ANKS1B: variants seen among roughly 807,000 people sequenced by gnomAD.
ANKS1B encodes ankyrin repeat and sterile alpha motif domain-containing protein 1B.
Under a neutral mutation model 148.3 loss-of-function variants are expected in ANKS1B, and 36 were observed. That is an observed-to-expected ratio of 0.24 (90% confidence interval 0.19 to 0.32). ANKS1B has a LOEUF of 0.32. Among genes scored for constraint, ANKS1B ranks in the 10% least tolerant of loss-of-function variants. The pLI is 1.00. For synonymous variants in ANKS1B, 542 were observed against 560.8 expected (o/e 0.97, Z 0.47); for missense variants, 1,157 against 1,542.6 (o/e 0.75, Z 4.19).
At chr12:99,550,192 TCA>T (rs2097205395) in intron 9 of ANKS1B, among the ~76,000 whole-genome samples, 1 of 152,196 alleles carries the variant, frequency 6.6e-6, no homozygotes, top group African/African-American at 2.4e-5. Context: ...AACATTTCTC[TCA>T]GTGTCTTGAT....
At chr12:98,950,960 T>C (rs937301959) in intron 17 of ANKS1B, among the ~76,000 whole-genome samples, 3 of 152,130 alleles carry the variant, frequency 2.0e-5, no homozygotes, top group African/African-American at 4.8e-5. Context: ...ACATCTCTTA[T>C]TTTTTTCTTT....
intron 4 of ANKS1B, among the ~76,000 whole-genome samples, chr12:99,803,210 T>G (rs942028055): frequency 4.0e-5 from 6 of 151,656 alleles, no homozygotes; most frequent in Admixed American, 6.6e-5. Context: ...TATTCAAAAA[T>G]TTTGCACTGA....
intron 20 of ANKS1B, among the ~76,000 whole-genome samples, chr12:98,802,594 CTTTTTTTTTTTTT>C (rs397850118): frequency 9.8e-4 from 34 of 34,782 alleles, no homozygotes; most frequent in African/African-American, 2.5e-3. Context: ...AATGCACAGG[CTTTTTTTTTTTTT>C]TTTTTTTTTT....
rs142643553 is a variant in ANKS1B at position 98,778,358 on chromosome 12, C to A, written c.3441+2759G>T. ...GGGCATGGTGGCACACACCTGTAATCCCAGCTACTCGGGAGGCTGAGGCAT... is the reference window on the plus strand; with the variant it reads ...GGGCATGGTGGCACACACCTGTAATACCAGCTACTCGGGAGGCTGAGGCAT... On this transcript the variant is annotated intron_variant, in intron 24 of 26. Coordinates refer to ENST00000683438, the MANE Select transcript of ANKS1B (RefSeq NM_001352186.2). 3.5e-3 allele frequency among the ~76,000 whole-genome samples: 536 copies of A among 152,272 alleles called. 1 individual carries two copies. Among genetic ancestry groups the A allele is most frequent in the Non-Finnish European group, 5.5e-3 (371 of 68,014 alleles).
intron 14 of ANKS1B, among the ~76,000 whole-genome samples, chr12:99,223,529 A>G (rs1171298054): frequency 6.6e-6 from 1 of 152,130 alleles, no homozygotes; most frequent in East Asian, 1.9e-4. Context: ...AGGAGCACAC[A>G]GTCTATGCAG....
chr12:98,791,665 C>T (rs1243015063), intron 22 of ANKS1B, among the ~76,000 whole-genome samples: 2 of 152,178 alleles, frequency 1.3e-5, no homozygotes, highest in Non-Finnish European at 2.9e-5. Context: ...TGAAGTGATC[C>T]TCCTGACTCA....
intron 12 of ANKS1B, among the ~76,000 whole-genome samples, chr12:99,315,278 C>CA (rs1036420856): frequency 1.2e-4 from 18 of 149,394 alleles, no homozygotes; most frequent in African/African-American, 4.4e-4. Flanking sequence ...AGCAAACAGG[C>CA]AACTTACAAA....
intron 8 of ANKS1B, among the ~76,000 whole-genome samples, chr12:99,656,667 G>C (rs957257689): frequency 6.6e-6 from 1 of 151,074 alleles, no homozygotes; most frequent in South Asian, 2.1e-4. Context: ...GAGATGGGAG[G>C]GTCAAAGAAA....
At chr12:99,204,130 CA>C (rs2082369685) in intron 14 of ANKS1B, among the ~76,000 whole-genome samples, 1 of 152,162 alleles carries the variant, frequency 6.6e-6, no homozygotes, top group Non-Finnish European at 1.5e-5. Context: ...AAATTTTCAG[CA>C]AGCTTCATAA....
chr12:99,834,145 T>C (rs766216137), intron 1 of ANKS1B, among the ~76,000 whole-genome samples: 2 of 152,182 alleles, frequency 1.3e-5, no homozygotes, highest in Non-Finnish European at 2.9e-5. Context: ...ACTTTTTATA[T>C]TGCCTTGCCC....
chr12:99,685,862 T>C (rs1270694948), intron 8 of ANKS1B, among the ~76,000 whole-genome samples: 1 of 152,130 alleles, frequency 6.6e-6, no homozygotes, highest in African/African-American at 2.4e-5. Context: ...ACCATTACCT[T>C]GAGTGAAGTA....
At chr12:99,397,773 G>C (rs1184575044) in intron 12 of ANKS1B, among the ~76,000 whole-genome samples, 1 of 150,502 alleles carries the variant, frequency 6.6e-6, no homozygotes, top group Non-Finnish European at 1.5e-5. Context: ...TGTCATTTAA[G>C]TATTTATTAT....
chr12:99,457,561 C>T lies in ANKS1B; in HGVS notation c.1439-13752G>A, dbSNP rs141744298. Among the ~76,000 whole-genome samples the T allele has an allele frequency of 1.3e-3, 198 of 152,042 alleles. 1 individual carries two copies. The highest frequency in any genetic ancestry group is 7.9e-3 in the South Asian group (38 of 4,818). On this transcript the variant is annotated intron_variant, in intron 10 of 26. Coordinates refer to ENST00000683438, the MANE Select transcript of ANKS1B (RefSeq NM_001352186.2). ...CCCAACACATAAGGACTCACATAAA[C>T]GTAAGGTAAAGGGGTGAAAAAAGAT...
intron 9 of ANKS1B, among the ~76,000 whole-genome samples, chr12:99,584,033 T>G (rs980861043): frequency 3.7e-4 from 57 of 152,302 alleles, no homozygotes; most frequent in Non-Finnish European, 2.6e-4. Context: ...TAGAGCCCCT[T>G]TTTCCTTTTT....
intron 26 of ANKS1B, among the ~76,000 whole-genome samples, chr12:98,746,899 T>C (rs1245961924): frequency 1.3e-5 from 2 of 152,124 alleles, no homozygotes; most frequent in Admixed American, 1.3e-4. Flanking sequence ...CATCTTCCAC[T>C]ATATACAGAA....
At chr12:98,812,698 C>A (rs774492170) in intron 19 of ANKS1B, among the ~76,000 whole-genome samples, 12 of 151,956 alleles carry the variant, frequency 7.9e-5, no homozygotes, top group Non-Finnish European at 1.6e-4. Flanking sequence ...CTCAGCCACT[C>A]GAGAAGCTGG....
chr12:99,438,898 C>A (rs1344617374), intron 11 of ANKS1B, among the ~76,000 whole-genome samples: 1 of 150,868 alleles, frequency 6.6e-6, no homozygotes, highest in Non-Finnish European at 1.5e-5. Flanking sequence ...ATAAAAGGCA[C>A]AAATATTAGA....
chr12:99,626,063 T>A (rs2098110173), intron 9 of ANKS1B, among the ~76,000 whole-genome samples: 1 of 152,136 alleles, frequency 6.6e-6, no homozygotes, highest in Non-Finnish European at 1.5e-5. Flanking sequence ...CTATGAGGTG[T>A]ATGAGACTGC....
chr12:99,046,024 T>C lies in ANKS1B; in HGVS notation c.2778+7133A>G, dbSNP rs548449160. Among the ~76,000 whole-genome samples the C allele has an allele frequency of 2.0e-5, 3 of 152,282 alleles. No homozygotes were observed. In the East Asian group the frequency reaches 5.8e-4, roughly 29 times the overall value. On this transcript the variant is annotated intron_variant, in intron 17 of 26. Transcript: ENST00000683438. ...AACCAGCTGAAAAGATGAGTAGGAA[T>C]AGTCTTTAAAGTTCAAACTGGACTG...
Sources: allele counts gnomAD v4.1 joint callset (sites outside exome capture counted in the v4.1 genomes callset), GRCh38; gene constraint gnomAD v4.1.1; transcripts MANE v1.5; gene names NCBI Gene and HGNC (gene_info 2026-07-23, HGNC 2026-07-21).